MICU1: variants seen among roughly 807,000 people sequenced by gnomAD.
MICU1 encodes calcium uptake protein 1, mitochondrial.
A neutral mutation model predicts 56.8 loss-of-function variants in MICU1; 45 were observed. The ratio of observed to expected loss-of-function variants is 0.79; its 90% CI spans 0.62 to 1.02. The LOEUF is 1.02. MICU1 is among the 50% of genes least tolerant of loss of function. The probability of loss-of-function intolerance (pLI) is 0.00; values close to 1 mark genes in which losing one functional copy is unlikely to be tolerated. For synonymous variants in MICU1, 186 were observed against 195.1 expected, an observed-to-expected ratio of 0.95 and a Z score of 0.39; for missense variants, 504 against 587.1, an observed-to-expected ratio of 0.86 and a Z score of 1.46.
chr10:72,394,751 C>T (rs780290260), intron 10 of MICU1, among the ~76,000 whole-genome samples: 2 of 152,104 alleles, frequency 1.3e-5, no homozygotes, highest in Non-Finnish European at 2.9e-5. Flanking sequence ...CAGAAGGATC[C>T]TGTGAGACCA....
intron 8 of MICU1, among the ~76,000 whole-genome samples, chr10:72,423,857 G>A (rs891615852): frequency 3.9e-5 from 6 of 152,148 alleles, no homozygotes; most frequent in African/African-American, 1.4e-4. Flanking sequence ...TTTTAAAGAA[G>A]AGTAATATAT....
At chr10:72,612,800 C>CAAA (rs1255818293) in intron 1 of MICU1, among the ~76,000 whole-genome samples, 1 of 119,844 alleles carries the variant, frequency 8.3e-6, no homozygotes. Flanking sequence ...GACCCTGTCT[C>CAAA]AAAAAAAAAA....
chr10:72,551,482 G>GT (rs1433899687), intron 3 of MICU1, 141 bp from the exon 4 acceptor site: 4 of 545,250 alleles, frequency 7.3e-6, no homozygotes, highest in Non-Finnish European at 1.1e-5. Context: ...TCTATACTTA[G>GT]TTTTTTAATA....
chr10:72,474,488 AAC>A (rs754617430), intron 8 of MICU1, among the ~76,000 whole-genome samples: 1 of 152,146 alleles, frequency 6.6e-6, no homozygotes, highest in Non-Finnish European at 1.5e-5. Flanking sequence ...TAAATCCCCA[AAC>A]ACAGTAAGAT....
intron 6 of MICU1, among the ~76,000 whole-genome samples, chr10:72,480,935 C>T (rs1866275086): frequency 6.6e-6 from 1 of 152,176 alleles, no homozygotes; most frequent in African/African-American, 2.4e-5. Context: ...CTTGAGGTTT[C>T]TCTGTCTTTT....
intron 1 of MICU1, among the ~76,000 whole-genome samples, chr10:72,618,519 T>C (rs1018608144): frequency 3.9e-5 from 6 of 152,216 alleles, no homozygotes; most frequent in Non-Finnish European, 8.8e-5. Flanking sequence ...TTAATTTAAA[T>C]GCTATTACAG....
At chr10:72,528,483 A>G (rs763786898) in intron 5 of MICU1, among the ~76,000 whole-genome samples, 96 of 152,184 alleles carry the variant, frequency 6.3e-4, no homozygotes, top group Non-Finnish European at 6.9e-4. Context: ...TTTCCACTTG[A>G]GTGGTTTCAG....
At chr10:72,415,215 C>T (rs1863947902) in intron 9 of MICU1, among the ~76,000 whole-genome samples, 1 of 152,096 alleles carries the variant, frequency 6.6e-6, no homozygotes. Context: ...GTGCTTTCGC[C>T]ATGTTGGCCA....
At chr10:72,526,441 G>A (rs1017018936) in intron 5 of MICU1, among the ~76,000 whole-genome samples, 4 of 151,820 alleles carry the variant, frequency 2.6e-5, no homozygotes, top group Non-Finnish European at 4.4e-5. Flanking sequence ...GATTACAGGC[G>A]CCTGCCACCA....
chr10:72,606,064 G>C (rs186112209), intron 1 of MICU1, among the ~76,000 whole-genome samples: 1 of 151,656 alleles, frequency 6.6e-6, no homozygotes, highest in East Asian at 1.9e-4. Flanking sequence ...CTGGGAGGTG[G>C]AGGTTGCAGT....
At chr10:72,552,624 C>T (rs368673466) in intron 3 of MICU1, among the ~76,000 whole-genome samples, 6 of 152,036 alleles carry the variant, frequency 3.9e-5, no homozygotes, top group South Asian at 4.2e-4. Flanking sequence ...GCTGTGATCT[C>T]GGCTCACTGC....
intron 1 of MICU1, among the ~76,000 whole-genome samples, chr10:72,580,080 A>G (rs1429875733): frequency 6.6e-6 from 1 of 152,158 alleles, no homozygotes; most frequent in African/African-American, 2.4e-5. Context: ...TTAGTAAGAG[A>G]ATTTTATAAT....
chr10:72,475,378 A>G, intron 7 of MICU1, 81 bp from the exon 8 acceptor site: 3 of 1,248,264 alleles, frequency 2.4e-6, no homozygotes. Flanking sequence ...AATCATAACT[A>G]TTGTTTACTA....
At chr10:72,620,454 G>A (rs547238079) in intron 1 of MICU1, among the ~76,000 whole-genome samples, 91 of 152,248 alleles carry the variant, frequency 6.0e-4, no homozygotes, top group Non-Finnish European at 9.8e-4. Context: ...CCAAAGTACT[G>A]GGATTACAGG....
intron 1 of MICU1, among the ~76,000 whole-genome samples, chr10:72,575,536 T>C (rs895245377): frequency 6.6e-6 from 1 of 152,208 alleles, no homozygotes; most frequent in Non-Finnish European, 1.5e-5. Flanking sequence ...TTCAAACAAG[T>C]CCATTGGTGC....
chr10:72,525,058 A>G (rs1867925072), intron 5 of MICU1, among the ~76,000 whole-genome samples: 2 of 152,164 alleles, frequency 1.3e-5, no homozygotes, highest in Admixed American at 1.3e-4. Flanking sequence ...TCAGATAATT[A>G]GTAACTACTC....
chr10:72,435,341 T>C (rs2132167079), intron 8 of MICU1, among the ~76,000 whole-genome samples: 1 of 130,870 alleles, frequency 7.6e-6, no homozygotes, highest in Admixed American at 9.2e-5. Flanking sequence ...TGAGCTATGA[T>C]CATGCCACTG....
intron 10 of MICU1, among the ~76,000 whole-genome samples, chr10:72,378,987 A>C (rs1356193697): frequency 6.6e-6 from 1 of 152,202 alleles, no homozygotes; most frequent in Non-Finnish European, 1.5e-5. Context: ...GTACTAAAAG[A>C]CTGAAGTATA....
In MICU1 at chr10:72,508,199, A is replaced by T. The variant is rs1867321922; in HGVS notation, c.608T>A (p.Leu203His). ...SIFYTLGECG[L>H]ISFSDYIFLT... ...GAAAATGTAGTCTGAAAAGGATATG[A>T]GCCCACATTCTCCAAGGGTGTAAAA... The change falls in exon 6 of 12, where the codon CTC (leucine) becomes CAC (histidine). Residue 203 changes from leucine (L) to histidine (H), a missense_variant. Transcript: ENST00000361114. 1.3e-6 allele frequency: 2 copies of T among 1,551,672 alleles called. No individual in the cohort carries two copies. Among genetic ancestry groups the T allele is most frequent in the Non-Finnish European group, 8.8e-7 (1 of 1,138,848 alleles).
Sources: gnomAD v4.1 joint callset for allele counts (sites outside exome capture counted in the v4.1 genomes callset) on GRCh38, gnomAD v4.1.1 for gene constraint, MANE v1.5 for transcripts, NCBI Gene and HGNC (gene_info 2026-07-23, HGNC 2026-07-21) for gene names.